UBAC1: variants seen among roughly 807,000 people sequenced by gnomAD.
UBAC1 encodes UBA domain containing 1.
In UBAC1, 27 loss-of-function variants were observed where a neutral mutation model predicts 45.9. That is an observed-to-expected ratio of 0.59 (90% CI 0.43 to 0.81). The LOEUF is 0.81. Among genes scored for constraint, UBAC1 ranks in the 30% least tolerant of loss-of-function variants. The pLI is 0.00. For synonymous variants in UBAC1, 227 were observed against 215.5 expected, an observed-to-expected ratio of 1.05 and a Z score of -0.47; for missense variants, 529 against 539.2, an observed-to-expected ratio of 0.98 and a Z score of 0.19.
At chr9:135,950,124 T>C (rs1440427554) in intron 3 of UBAC1, among the ~76,000 whole-genome samples, 1 of 152,198 alleles carries the variant, frequency 6.6e-6, no homozygotes, top group Non-Finnish European at 1.5e-5. Context: ...TTCAGCACCC[T>C]GAACACAGCC....
intron 3 of UBAC1, among the ~76,000 whole-genome samples, chr9:135,951,821 AAAT>A (rs1839408937): frequency 6.6e-6 from 1 of 152,066 alleles, no homozygotes; most frequent in South Asian, 2.1e-4. Context: ...AAAAATAATA[AAAT>A]AATAATAAAA....
Position 135,947,784 on chromosome 9 carries a change from G to C in UBAC1, c.441+14C>G. On this transcript the variant is annotated intron_variant, in intron 4 of 9. Transcript: ENST00000371756. ...GACCCCATGCACCCGCCGCCGCTCT[G>C]GGCTGACACTCACGTCTCTCATGTT... 6.2e-7 allele frequency: 1 copy of C among 1,610,164 alleles called. No individual in the cohort carries two copies. The highest frequency in any genetic ancestry group is 1.1e-5 in the South Asian group (1 of 90,688).
In UBAC1 at chr9:135,933,321, C is replaced by T. The variant is rs1839166212; in HGVS notation, c.*79G>A. 23 of 1,192,774 alleles carry T rather than the reference C, an allele frequency of 1.9e-5. No individual in the cohort carries two copies. The South Asian group carries it at 2.4e-4, about 12-fold the overall frequency. 73.9% of individuals were successfully genotyped at this position (1,192,774 alleles called of 1,614,324 possible). On this transcript the variant is annotated 3_prime_UTR_variant, in exon 10 of 10. Coordinates refer to ENST00000371756, the MANE Select transcript of UBAC1 (RefSeq NM_016172.3). Reference sequence around the variant, plus strand: ...GGCTGAGGCGCTGAAGGTGAGTTTCCAGGTGAGGTCCACTCTGCCCGGTCT... The same window carrying T: ...GGCTGAGGCGCTGAAGGTGAGTTTCTAGGTGAGGTCCACTCTGCCCGGTCT...
chr9:135,961,140 A>G lies in UBAC1; in HGVS notation c.23T>C (p.Ile8Thr), dbSNP rs1170624335. MFVQEEK[I>T]FAGKVLRLHI... ...CAGCCGCAGCACCTTGCCCGCGAAG[A>G]TCTTCTCCTCCTGCACGAACATCCC... is the stretch of plus-strand genomic sequence containing the variant. The change falls in exon 1 of 10, where the codon ATC becomes ACC. Residue 8 changes from isoleucine (I) to threonine (T), a missense_variant. Coordinates refer to ENST00000371756, the MANE Select transcript of UBAC1 (RefSeq NM_016172.3). 16 of 1,582,858 alleles carry G rather than the reference A, an allele frequency of 1.0e-5. No homozygotes were observed. Among genetic ancestry groups the G allele is most frequent in the Admixed American group, 1.7e-5 (1 of 57,620 alleles).
At chr9:135,934,062 T>G (rs1015793283) in intron 9 of UBAC1, among the ~76,000 whole-genome samples, 25 of 152,242 alleles carry the variant, frequency 1.6e-4, no homozygotes, top group African/African-American at 5.8e-4. Context: ...AGGTGGCTTT[T>G]AGCAAAAAGC....
At chr9:135,951,533 G>A (rs1395093075) in intron 3 of UBAC1, among the ~76,000 whole-genome samples, 1 of 152,102 alleles carries the variant, frequency 6.6e-6, no homozygotes, top group Non-Finnish European at 1.5e-5. Flanking sequence ...TGTAGGCCAG[G>A]CGCAATGGCT....
intron 7 of UBAC1, among the ~76,000 whole-genome samples, chr9:135,940,356 G>C (rs997422014): frequency 1.3e-5 from 2 of 151,966 alleles, no homozygotes; most frequent in Non-Finnish European, 2.9e-5. Flanking sequence ...GAGGCAGGCG[G>C]ATCACCAGGT....
chr9:135,955,024 G>T lies in UBAC1; in HGVS notation c.259+271C>A, dbSNP rs547472559. 1.3e-4 allele frequency among the ~76,000 whole-genome samples: 20 copies of T among 152,304 alleles called. No homozygotes were observed. The East Asian group carries it at 3.9e-3, about 29-fold the overall frequency. On this transcript the variant is annotated intron_variant, in intron 2 of 9. Transcript: ENST00000371756. ...CAGAACCCCTGGAGTCTCTGGCTTTGCTCTGAAACAGAACTAAAAGCAAAA... is the reference window on the plus strand; with the variant it reads ...CAGAACCCCTGGAGTCTCTGGCTTTTCTCTGAAACAGAACTAAAAGCAAAA...
chr9:135,934,850 G>A (rs1839185235), intron 9 of UBAC1, among the ~76,000 whole-genome samples: 1 of 152,130 alleles, frequency 6.6e-6, no homozygotes, highest in Admixed American at 6.6e-5. Flanking sequence ...CCACACAGAT[G>A]ATTATTTATC....
At chr9:135,937,961 G>A (rs892634902) in intron 9 of UBAC1, among the ~76,000 whole-genome samples, 2 of 152,202 alleles carry the variant, frequency 1.3e-5, no homozygotes, top group African/African-American at 4.8e-5. Context: ...GAAAGCCACT[G>A]GCACTGGTTT....
At chr9:135,937,820 G>GT (rs1329178975) in intron 9 of UBAC1, among the ~76,000 whole-genome samples, 1 of 152,172 alleles carries the variant, frequency 6.6e-6, no homozygotes, top group Non-Finnish European at 1.5e-5. Flanking sequence ...TTGTATGTAC[G>GT]TATCTCACAA....
chr9:135,959,078 T>C (rs1839501352), intron 1 of UBAC1, among the ~76,000 whole-genome samples: 1 of 152,202 alleles, frequency 6.6e-6, no homozygotes, highest in African/African-American at 2.4e-5. Flanking sequence ...TATCTGTGGA[T>C]CAAACAGCTC....
chr9:135,951,522 A>C (rs1839405243), intron 3 of UBAC1, among the ~76,000 whole-genome samples: 1 of 152,038 alleles, frequency 6.6e-6, no homozygotes, highest in South Asian at 2.1e-4. Flanking sequence ...TTAAAAATTA[A>C]TGTAGGCCAG....
Position 135,938,879 on chromosome 9 carries a change from C to T in UBAC1, c.964-519G>A, listed in dbSNP as rs185210399. Among the ~76,000 whole-genome samples, 1,185 of 152,308 alleles carry T rather than the reference C, an allele frequency of 7.8e-3. 9 individuals carry two copies. Among genetic ancestry groups the T allele is most frequent in the African/African-American group, 0.027 (1,112 of 41,558 alleles). On this transcript the variant is annotated intron_variant, in intron 8 of 9. Transcript: ENST00000371756. ...CAGCTCCATCAGCCCAGCTGGCACA[C>T]GGGCACAGGACGGGAATCATTCTTG...
At chr9:135,936,051 C>A (rs933212871) in intron 9 of UBAC1, among the ~76,000 whole-genome samples, 1 of 148,924 alleles carries the variant, frequency 6.7e-6, no homozygotes, top group African/African-American at 2.5e-5. Context: ...AAGAGGAATA[C>A]AAGTTAAAAC....
At chr9:135,950,378 G>A (rs547064939) in intron 3 of UBAC1, among the ~76,000 whole-genome samples, 13 of 152,308 alleles carry the variant, frequency 8.5e-5, no homozygotes, top group African/African-American at 3.1e-4. Context: ...AGACAGATGC[G>A]CAGGCCAGAG....
At chr9:135,939,840 T>C in intron 7 of UBAC1, 81 bp from the exon 8 acceptor site, 2 of 1,227,500 alleles carry the variant, frequency 1.6e-6, no homozygotes, top group Non-Finnish European at 2.4e-6. Flanking sequence ...AGGGGCCCGC[T>C]CCCCGCACCC....
At chr9:135,938,474 C>G in intron 8 of UBAC1, 114 bp from the exon 9 acceptor site, 1 of 1,363,238 alleles carries the variant, frequency 7.3e-7, no homozygotes, top group Non-Finnish European at 9.8e-7. Context: ...TGTTGAGCCC[C>G]CAGGGCTGAT....
In UBAC1 at chr9:135,947,878, T is replaced by C. The variant is rs772168865; in HGVS notation, c.361A>G (p.Lys121Glu). The C allele has an allele frequency of 6.2e-7, 1 of 1,614,174 alleles. No homozygotes were observed. Among genetic ancestry groups the C allele is most frequent in the African/African-American group, 1.3e-5 (1 of 75,072 alleles). The change falls in exon 4 of 10, where the codon AAA becomes GAA. Residue 121 changes from lysine (K) to glutamate (E), a missense_variant. Transcript: ENST00000371756. Reference sequence around the variant, plus strand: ...GCGGTGGCCCGCAGTATGGCCTCTTTATCTGGAGCTTTCTGGTCTTGTTTT... The same window carrying C: ...GCGGTGGCCCGCAGTATGGCCTCTTCATCTGGAGCTTTCTGGTCTTGTTTT... ...KKKQDQKAPD[K>E]EAILRATANL...
Sources: gnomAD v4.1 joint callset for allele counts (sites outside exome capture counted in the v4.1 genomes callset) on GRCh38, gnomAD v4.1.1 for gene constraint, MANE v1.5 for transcripts, NCBI Gene and HGNC (gene_info 2026-07-23, HGNC 2026-07-21) for gene names.